Variants in THAP7 observed in about 807,000 individuals in gnomAD.
The protein encoded by THAP7 is THAP domain-containing protein 7.
THAP7 carries 22 observed loss-of-function variants against 29.2 expected under a neutral mutation model. The observed-to-expected ratio is 0.75, with a 90% CI of 0.54 to 1.08. The LOEUF (loss-of-function observed/expected upper bound fraction) is 1.08. Ranked by LOEUF, THAP7 falls within the 50% of genes least tolerant of loss-of-function variation. The probability of loss-of-function intolerance (pLI) is 0.00; values close to 1 mark genes in which losing one functional copy is unlikely to be tolerated. For missense variants in THAP7, 448 were observed against 416.2 expected (o/e 1.08, Z -0.66); for synonymous variants, 208 against 173.4 (o/e 1.20, Z -1.57).
Position 21,001,965 on chromosome 22 carries a change from G to A in THAP7, c.-54C>T. ...AGCGGCTCTCCGGGCATCCGGAGGAGCCTCGCGCCTCCAGCCGCCGCTCCT... is the reference window on the plus strand; with the variant it reads ...AGCGGCTCTCCGGGCATCCGGAGGAACCTCGCGCCTCCAGCCGCCGCTCCT... On this transcript the variant is annotated 5_prime_UTR_variant, in exon 1 of 4. Transcript: ENST00000215742. The A allele has an allele frequency of 4.0e-6, 6 of 1,486,146 alleles. No homozygotes were observed. Among genetic ancestry groups the A allele is most frequent in the Non-Finnish European group, 5.4e-6 (6 of 1,112,138 alleles). 92.1% of individuals were successfully genotyped at this position (1,486,146 alleles called of 1,614,324 possible). A position where few individuals can be genotyped will look rare whatever the true frequency, so the allele number is the denominator to read the frequency against.
intron 2 of THAP7, 71 bp downstream of exon 2, chr22:21,001,185 T>A: frequency 6.3e-7 from 1 of 1,584,444 alleles, no homozygotes; most frequent in South Asian, 1.1e-5. Flanking sequence ...GGGACTTCCA[T>A]GACCTGCAGC....
intron 2 of THAP7, 172 bp downstream of exon 2, chr22:21,001,084 C>T: frequency 1.9e-6 from 2 of 1,028,308 alleles, no homozygotes; most frequent in South Asian, 1.6e-5. Flanking sequence ...CCTGTTTTCC[C>T]CTTGTGTCAC....
intron 3 of THAP7, 105 bp from the exon 4 acceptor site, chr22:21,000,537 G>A (rs972847350): frequency 2.0e-4 from 314 of 1,577,048 alleles, no homozygotes; most frequent in Non-Finnish European, 2.6e-4. Context: ...CCGATCCACA[G>A]GTTCTGTGTA....
At position 21,002,045 on chromosome 22, in the gene THAP7, C is replaced by T. The variant is rs1925210383; in HGVS notation, c.-134G>A. ...CCCCGGCCCGTTGTCGCCCCAACCCCGTCCCAGCCGATTCTCTTGACTTCT... is the reference window on the plus strand; with the variant it reads ...CCCCGGCCCGTTGTCGCCCCAACCCTGTCCCAGCCGATTCTCTTGACTTCT... On this transcript the variant is annotated 5_prime_UTR_variant, in exon 1 of 4. Transcript: ENST00000215742. The T allele has an allele frequency of 1.3e-6, 1 of 772,282 alleles. No homozygotes were observed. The highest frequency in any genetic ancestry group is 2.0e-6 in the Non-Finnish European group (1 of 508,904). 47.8% of individuals were successfully genotyped at this position (772,282 alleles called of 1,614,324 possible).
chr22:20,999,890 C>T lies in THAP7; in HGVS notation c.920G>A (p.Ser307Asn). 1.2e-6 allele frequency: 2 copies of T among 1,606,416 alleles called. No individual in the cohort carries two copies. Among genetic ancestry groups the T allele is most frequent in the Non-Finnish European group, 1.7e-6 (2 of 1,179,132 alleles). ...VQDFAMQLSS[S>N]MA ...CAGTCCAGCAGCCCCTCAGGCCATG[C>T]TGCTGCTCAGCTGCATGGCAAAGTC... Residue 307 changes from serine (S) to asparagine (N), a missense_variant, in exon 4 of 4, where the codon AGC (serine) becomes AAC (asparagine). Coordinates refer to ENST00000215742, the MANE Select transcript of THAP7 (RefSeq NM_030573.3).
At chr22:21,000,817 G>C (rs1925123496) in intron 2 of THAP7, 30 bp from the exon 3 acceptor site, 1 of 1,612,696 alleles carries the variant, frequency 6.2e-7, no homozygotes. Flanking sequence ...AGATGAGCTG[G>C]AGAGCAAGTG....
rs569998851 is a variant in THAP7, at chr22:21,000,459, T to G, written c.378-27A>C. On this transcript the variant is annotated intron_variant, in intron 3 of 3. Transcript: ENST00000215742. ...TGGTAAGGGGGAAGAGAGAGACTGA[T>G]GGGCTAGGCTGAGGGCTTGCCAGAC... is the stretch of plus-strand genomic sequence containing the variant. 45 of 1,540,892 alleles carry G rather than the reference T, an allele frequency of 2.9e-5. No homozygotes were observed. The East Asian group carries it at 9.2e-4, about 31-fold the overall frequency.
rs1878209689 is a variant in THAP7 at position 20,999,960 on chromosome 22, G to C, written c.850C>G (p.Arg284Gly). 1.2e-6 allele frequency: 2 copies of C among 1,612,580 alleles called. No individual in the cohort carries two copies. The highest frequency in any genetic ancestry group is 1.7e-6 in the Non-Finnish European group (2 of 1,179,976). The change falls in exon 4 of 4, where the codon CGG (arginine) becomes GGG (glycine). Residue 284 changes from arginine to glycine, a missense_variant. Physicochemically the swap from Arg to Gly is moderately radical, Grantham distance 125. Coordinates refer to ENST00000215742, the MANE Select transcript of THAP7 (RefSeq NM_030573.3). ...KLQQERAREK[R>G]AQADARQTLK... Reference sequence around the variant, plus strand: ...GTCTGGCGGGCATCTGCCTGTGCCCGCTTCTCCCGTGCCCGCTCCTGCTGC... The same window carrying C: ...GTCTGGCGGGCATCTGCCTGTGCCCCCTTCTCCCGTGCCCGCTCCTGCTGC...
intron 1 of THAP7, 181 bp from the exon 2 acceptor site, chr22:21,001,592 C>A: frequency 1.0e-6 from 1 of 998,814 alleles, no homozygotes. Context: ...AGAAGAAAAG[C>A]AGTTTCCTCA....
rs1925182890 is a variant in THAP7 at position 21,001,776 on chromosome 22, G to GT, written c.80+55_80+56insA. The GT allele has an allele frequency of 3.3e-6, 5 of 1,514,738 alleles. No individual in the cohort carries two copies. In the Admixed American group the frequency reaches 6.3e-5, roughly 19 times the overall value. The allele number at this position is 1,514,738 out of a possible 1,614,324, so 93.8% of individuals were successfully genotyped here. On this transcript the variant is annotated intron_variant, in intron 1 of 3. Coordinates refer to ENST00000215742, the MANE Select transcript of THAP7 (RefSeq NM_030573.3). ...CGAAGCCTCTACGCAGTTGCGACCC[G>GT]AGGCGAGCAACAACTAGCGCATGCG...
chr22:21,000,886 G>A, intron 2 of THAP7, 99 bp from the exon 3 acceptor site: 11 of 1,556,128 alleles, frequency 7.1e-6, no homozygotes, highest in East Asian at 2.2e-5. Flanking sequence ...GGAAGGCATC[G>A]TGCAAACAAT....
intron 2 of THAP7, 111 bp downstream of exon 2, chr22:21,001,145 A>G (rs1287577076): frequency 6.8e-7 from 1 of 1,480,056 alleles, no homozygotes; most frequent in Non-Finnish European, 9.2e-7. Flanking sequence ...TGGGAACAGG[A>G]AACAGCCCCC....
At position 21,001,846 on chromosome 22, in the gene THAP7, G is replaced by T. The variant is rs750323653; in HGVS notation, c.66C>A (p.Gly22=). The T allele has an allele frequency of 1.3e-6, 2 of 1,558,804 alleles. No individual in the cohort carries two copies. Among genetic ancestry groups the T allele is most frequent in the African/African-American group, 1.4e-5 (1 of 73,358 alleles). ...CGCGCGCTGACCTGTGGAAGGAGAT[G>T]CCGCGGTTGCGCGTCTCGCGCGTGT... The part of the protein sequence containing the change: ...TRDTRETRNR[G]ISFHRLPKKD... Residue 22 remains glycine (G), a synonymous_variant, in exon 1 of 4, where the codon GGC becomes GGA. Coordinates refer to ENST00000215742, the MANE Select transcript of THAP7 (RefSeq NM_030573.3).
In THAP7 at chr22:21,000,442, G is replaced by C. The variant is rs1925095538; in HGVS notation, c.378-10C>G. On this transcript the variant is annotated splice_polypyrimidine_tract_variant and intron_variant, in intron 3 of 3. Coordinates refer to ENST00000215742, the MANE Select transcript of THAP7 (RefSeq NM_030573.3). ...TCGGCCCTCGGAGCAGCTGGTAAGG[G>C]GGAAGAGAGAGACTGATGGGCTAGG... The C allele has an allele frequency of 6.5e-7, 1 of 1,547,212 alleles. No individual in the cohort carries two copies. Among genetic ancestry groups the C allele is most frequent in the African/African-American group, 1.4e-5 (1 of 73,102 alleles).
Position 21,001,896 on chromosome 22 carries a change from A to G in THAP7, c.16T>C (p.Ser6Pro). The change falls in exon 1 of 4, where the codon TCC (serine) becomes CCC (proline). Residue 6 changes from serine to proline, a missense_variant. Coordinates refer to ENST00000215742, the MANE Select transcript of THAP7 (RefSeq NM_030573.3). Reference sequence around the variant, plus strand: ...TCCCGTGTGCAGCAGCCGGCGGCGGAGCAGTGACGCGGCATCTGGGAAAGA... The same window carrying G: ...TCCCGTGTGCAGCAGCCGGCGGCGGGGCAGTGACGCGGCATCTGGGAAAGA... MPRHC[S>P]AAGCCTRDTR... The G allele has an allele frequency of 1.3e-6, 2 of 1,571,146 alleles. No homozygotes were observed. Among genetic ancestry groups the G allele is most frequent in the Non-Finnish European group, 1.7e-6 (2 of 1,159,560 alleles).
intron 2 of THAP7, chr22:21,000,998 C>A: frequency 1.1e-6 from 1 of 881,480 alleles, no homozygotes; most frequent in Middle Eastern, 2.3e-4. Flanking sequence ...GCTGGGCTGA[C>A]CAGCCAGAAA....
Position 20,999,802 on chromosome 22 carries a change from C to T in THAP7, c.*78G>A. ...TCTAGAATCCGCTTTATTATGGCAC[C>T]TGGTGGGTCTGGTGGGATCTGAGGG... On this transcript the variant is annotated 3_prime_UTR_variant, in exon 4 of 4. Transcript: ENST00000215742. The T allele has an allele frequency of 6.7e-7, 1 of 1,489,016 alleles. No homozygotes were observed. Among genetic ancestry groups the T allele is most frequent in the African/African-American group, 1.4e-5 (1 of 71,662 alleles). 92.2% of individuals were successfully genotyped at this position (1,489,016 alleles called of 1,614,324 possible). A position where few individuals can be genotyped will look rare whatever the true frequency, so the allele number is the denominator to read the frequency against.
chr22:21,001,478 CCA>C (rs1925162684), intron 1 of THAP7, 67 bp from the exon 2 acceptor site: 3 of 1,558,136 alleles, frequency 1.9e-6, no homozygotes, highest in African/African-American at 2.7e-5. Context: ...CCCAAGCACC[CCA>C]GAGGGGAAAC....
chr22:21,001,206 C>T, intron 2 of THAP7, 50 bp downstream of exon 2: 2 of 1,601,462 alleles, frequency 1.2e-6, no homozygotes, highest in Non-Finnish European at 1.7e-6. Flanking sequence ...TGTCCCAGTC[C>T]GCCGGGAGCC....
Sources: gnomAD v4.1 joint callset for allele counts on GRCh38, gnomAD v4.1.1 for gene constraint, MANE v1.5 for transcripts, NCBI Gene and HGNC (gene_info 2026-07-23, HGNC 2026-07-21) for gene names.